The following XKR4 variants were observed in gnomAD, a reference collection of about 807,000 sequenced individuals.
XKR4 encodes XK related 4, also known as XK-related protein 4.
In XKR4, 12 loss-of-function variants were observed where a neutral mutation model predicts 53.9. The observed-to-expected ratio is 0.22, with a 90% CI of 0.14 to 0.36. The LOEUF is 0.36. Ranked by LOEUF, XKR4 falls within the 10% of genes least tolerant of loss-of-function variation. XKR4 has a pLI of 1.00. For synonymous variants in XKR4, 354 were observed against 362.4 expected (o/e 0.98, Z 0.26); for missense variants, 799 against 859.5 (o/e 0.93, Z 0.88).
intron 2 of XKR4, among the ~76,000 whole-genome samples, chr8:55,361,944 T>G (rs898932871): frequency 6.6e-6 from 1 of 152,214 alleles, no homozygotes; most frequent in Admixed American, 6.5e-5. Context: ...GTTCACATTT[T>G]TATTTCCACA....
chr8:55,475,864 G>A (rs562524769), intron 2 of XKR4, among the ~76,000 whole-genome samples: 30 of 151,974 alleles, frequency 2.0e-4, no homozygotes, highest in African/African-American at 6.8e-4. Context: ...GCCTCCCAAA[G>A]TGCTGGGATT....
chr8:55,473,253 C>G (rs1467406089), intron 2 of XKR4, among the ~76,000 whole-genome samples: 1 of 152,138 alleles, frequency 6.6e-6, no homozygotes, highest in African/African-American at 2.4e-5. Context: ...AATCCTCACA[C>G]CCATCCTGTG....
chr8:55,139,968 T>G (rs1047050475), intron 1 of XKR4: 3 of 246,262 alleles, frequency 1.2e-5, no homozygotes, highest in African/African-American at 6.9e-5. Flanking sequence ...ATTAATATAT[T>G]TACAAATCAT....
chr8:55,372,560 T>C (rs1042056267), intron 2 of XKR4, among the ~76,000 whole-genome samples: 1 of 151,996 alleles, frequency 6.6e-6, no homozygotes, highest in African/African-American at 2.4e-5. Flanking sequence ...TTTTTTTTTT[T>C]TTTCTAGAAA....
chr8:55,403,858 C>A (rs1804645433), intron 2 of XKR4, among the ~76,000 whole-genome samples: 1 of 152,182 alleles, frequency 6.6e-6, no homozygotes, highest in African/African-American at 2.4e-5. Flanking sequence ...CAATAAAAAG[C>A]TTTATGGTGT....
intron 2 of XKR4, among the ~76,000 whole-genome samples, chr8:55,485,238 C>A (rs1489066284): frequency 2.6e-5 from 4 of 152,116 alleles, no homozygotes; most frequent in Non-Finnish European, 5.9e-5. Context: ...ATTCAACATA[C>A]TACTGGAAGT....
intron 1 of XKR4, among the ~76,000 whole-genome samples, chr8:55,357,332 G>A (rs188612542): frequency 3.3e-5 from 5 of 152,274 alleles, no homozygotes; most frequent in Admixed American, 2.0e-4. Flanking sequence ...CATGAACACC[G>A]TTAAGCACAT....
chr8:55,400,830 T>C (rs1389674055), intron 2 of XKR4, among the ~76,000 whole-genome samples: 1 of 152,216 alleles, frequency 6.6e-6, no homozygotes, highest in Admixed American at 6.5e-5. Flanking sequence ...TAAGATTGCC[T>C]GCCTGTCTGC....
At chr8:55,481,715 C>A (rs1433407483) in intron 2 of XKR4, among the ~76,000 whole-genome samples, 2 of 151,884 alleles carry the variant, frequency 1.3e-5, no homozygotes, top group African/African-American at 2.4e-5. Context: ...AACAAACAAC[C>A]CCATCAAAAA....
intron 2 of XKR4, among the ~76,000 whole-genome samples, chr8:55,479,605 C>T (rs1411696252): frequency 6.6e-6 from 1 of 152,026 alleles, no homozygotes; most frequent in Admixed American, 6.6e-5. Context: ...ATTAATGAAT[C>T]CAGGAGATTG....
chr8:55,189,475 G>A (rs1036768462), intron 1 of XKR4, among the ~76,000 whole-genome samples: 2 of 152,148 alleles, frequency 1.3e-5, no homozygotes, highest in Non-Finnish European at 2.9e-5. Flanking sequence ...CCTCCTACAC[G>A]CCTAGGCTAT....
chr8:55,340,474 C>G (rs1179472005), intron 1 of XKR4, among the ~76,000 whole-genome samples: 1 of 152,212 alleles, frequency 6.6e-6, no homozygotes. Flanking sequence ...TCAAGTGAGA[C>G]AGTTAAGACT....
At chr8:55,274,400 C>T (rs567476446) in intron 1 of XKR4, among the ~76,000 whole-genome samples, 1 of 151,958 alleles carries the variant, frequency 6.6e-6, no homozygotes, top group African/African-American at 2.4e-5. Flanking sequence ...TCTGTGTGTG[C>T]ATATTTGTTG....
chr8:55,450,827 C>T (rs1335381608), intron 2 of XKR4: 3 of 494,152 alleles, frequency 6.1e-6, no homozygotes, highest in East Asian at 9.7e-5. Context: ...ATGTCCCAGC[C>T]GTCCTCCAGG....
intron 1 of XKR4, among the ~76,000 whole-genome samples, chr8:55,356,690 A>C (rs1803800591): frequency 6.6e-6 from 1 of 152,216 alleles, no homozygotes; most frequent in African/African-American, 2.4e-5. Flanking sequence ...GCTTTAAAAT[A>C]ATTTGGTGAC....
chr8:55,409,849 T>A (rs1804749401), intron 2 of XKR4, among the ~76,000 whole-genome samples: 1 of 152,156 alleles, frequency 6.6e-6, no homozygotes, highest in African/African-American at 2.4e-5. Context: ...GTAAGGAAAT[T>A]CTGATTGCTG....
intron 1 of XKR4, among the ~76,000 whole-genome samples, chr8:55,312,584 G>C (rs185321252): frequency 6.6e-6 from 1 of 152,284 alleles, no homozygotes; most frequent in East Asian, 1.9e-4. Flanking sequence ...TTTAGGGAAT[G>C]ATCATTGGAA....
intron 1 of XKR4, among the ~76,000 whole-genome samples, chr8:55,296,472 A>T (rs1819102679): frequency 6.6e-6 from 1 of 152,202 alleles, no homozygotes; most frequent in African/African-American, 2.4e-5. Flanking sequence ...AAGTAATTTA[A>T]TTAATTACCT....
At chr8:55,481,345 G>A (rs1452297460) in intron 2 of XKR4, among the ~76,000 whole-genome samples, 1 of 151,990 alleles carries the variant, frequency 6.6e-6, no homozygotes, top group African/African-American at 2.4e-5. Context: ...CTAGCCATAT[G>A]TAGAAAGCTG....
Sources: allele counts gnomAD v4.1 joint callset (sites outside exome capture counted in the v4.1 genomes callset), GRCh38; gene constraint gnomAD v4.1.1; transcripts MANE v1.5; gene names NCBI Gene and HGNC (gene_info 2026-07-23, HGNC 2026-07-21).